The following FRMPD4 variants were observed in gnomAD, a reference collection of about 807,000 sequenced individuals.
FRMPD4 encodes FERM and PDZ domain-containing protein 4.
A neutral mutation model predicts 94.1 loss-of-function variants in FRMPD4; 22 were observed. The ratio of observed to expected loss-of-function variants is 0.23; its 90% CI spans 0.17 to 0.33. The LOEUF is 0.33. Ranked by LOEUF, FRMPD4 falls within the 10% of genes least tolerant of loss-of-function variation. The pLI is 1.00. For missense variants in FRMPD4, 1,111 were observed against 1,339.9 expected (o/e 0.83, Z 2.67); for synonymous variants, 631 against 548.6 (o/e 1.15, Z -2.10).
At chrX:11,927,247 A>T (rs997404035) in intron 3 of FRMPD4, among the ~76,000 whole-genome samples, 1 of 112,086 alleles carries the variant, frequency 8.9e-6, no homozygotes, top group Non-Finnish European at 1.9e-5. Context: ...GAAATCAGAC[A>T]TGATGCAAAC....
At chrX:12,512,678 A>G (rs1413056506) in intron 2 of FRMPD4, among the ~76,000 whole-genome samples, 1 of 112,528 alleles carries the variant, frequency 8.9e-6, no homozygotes, top group Non-Finnish European at 1.9e-5. Context: ...TGCTGCAGTG[A>G]ACATATGTGT....
chrX:12,299,954 C>A (rs1352174449), intron 1 of FRMPD4, among the ~76,000 whole-genome samples: 1 of 111,944 alleles, frequency 8.9e-6, no homozygotes, highest in Non-Finnish European at 1.9e-5. Flanking sequence ...GAACAATGGC[C>A]AAATTGTTTA....
At chrX:12,443,983 G>T (rs963436907) in intron 1 of FRMPD4, among the ~76,000 whole-genome samples, 1 of 111,054 alleles carries the variant, frequency 9.0e-6, no homozygotes, top group African/African-American at 3.3e-5. Context: ...AACTTATCTT[G>T]AAAGTCCCCG....
intron 3 of FRMPD4, among the ~76,000 whole-genome samples, chrX:12,005,186 A>G (rs5933949): frequency 0.055 from 5,954 of 107,620 alleles, 275 homozygotes; most frequent in East Asian, 0.16. Context: ...CTCAAACTAT[A>G]GAGTGCTTAA....
chrX:11,907,582 A>G (rs7065125), intron 3 of FRMPD4, among the ~76,000 whole-genome samples: 44,730 of 110,384 alleles, frequency 0.41, 6,546 homozygotes, highest in East Asian at 0.69. Flanking sequence ...AGTGGAAAGA[A>G]AGTGAGAAAG....
At chrX:12,672,193 C>T (rs1049583013) in intron 4 of FRMPD4, among the ~76,000 whole-genome samples, 2 of 112,061 alleles carry the variant, frequency 1.8e-5, no homozygotes, top group African/African-American at 3.2e-5. Context: ...TTCTTCTGTC[C>T]GTGGAAGGTG....
At chrX:12,330,159 C>T (rs1455264275) in intron 1 of FRMPD4, among the ~76,000 whole-genome samples, 2 of 111,125 alleles carry the variant, frequency 1.8e-5, no homozygotes, top group East Asian at 5.6e-4. Flanking sequence ...AAAGAGTACT[C>T]AACAAGGAGT....
intron 3 of FRMPD4, among the ~76,000 whole-genome samples, chrX:11,922,042 CTG>C (rs1352762620): frequency 2.7e-5 from 3 of 112,081 alleles, no homozygotes; most frequent in African/African-American, 9.7e-5. Context: ...GTATATCACT[CTG>C]TCTTCATTTC....
At chrX:12,098,274 A>C (rs769279614) in intron 3 of FRMPD4, among the ~76,000 whole-genome samples, 547 of 11,117 alleles carry the variant, frequency 0.049, 3 homozygotes, top group African/African-American at 0.14. Flanking sequence ...AAGAAAAAGA[A>C]AAAAAAAAAA....
At chrX:12,029,377 G>A (rs1398360980) in intron 3 of FRMPD4, among the ~76,000 whole-genome samples, 1 of 112,109 alleles carries the variant, frequency 8.9e-6, no homozygotes, top group Non-Finnish European at 1.9e-5. Context: ...TCCTTTATCA[G>A]ATGTATCTCT....
Position 12,186,402 on chromosome X carries a change from T to C in FRMPD4, c.41+47390T>C, listed in dbSNP as rs189434286. Among the ~76,000 whole-genome samples the C allele has an allele frequency of 1.3e-4, 15 of 111,950 alleles. No homozygotes were observed. The East Asian group carries it at 3.9e-3, about 29-fold the overall frequency. ...ATTAAATAAATAATTATTTAATTGC[T>C]TTTTAAGCATAATTATTTAATTGTT... On this transcript the variant is annotated intron_variant, in intron 1 of 16. Coordinates refer to ENST00000675598, the MANE Select transcript of FRMPD4 (RefSeq NM_001368397.1).
intron 1 of FRMPD4, among the ~76,000 whole-genome samples, chrX:11,856,896 A>T (rs2053656886): frequency 8.9e-6 from 1 of 112,034 alleles, no homozygotes; most frequent in African/African-American, 3.2e-5. Context: ...AATCACTAGC[A>T]ATCCTAGACA....
chrX:12,396,247 C>T (rs1426602016), intron 1 of FRMPD4: 1 of 111,474 alleles, frequency 9.0e-6, no homozygotes, highest in Non-Finnish European at 1.9e-5. Flanking sequence ...TTTGAGAGCT[C>T]CTTGAAGTTG....
intron 1 of FRMPD4, among the ~76,000 whole-genome samples, chrX:12,432,126 A>G (rs1236290207): frequency 9.0e-6 from 1 of 111,478 alleles, no homozygotes; most frequent in Non-Finnish European, 1.9e-5. Context: ...TTCTTGGAAC[A>G]TAGTTCCTCC....
intron 1 of FRMPD4, among the ~76,000 whole-genome samples, chrX:12,385,525 G>A (rs773313916): frequency 1.8e-5 from 2 of 112,103 alleles, no homozygotes; most frequent in African/African-American, 6.5e-5. Context: ...CTGTATAATT[G>A]TCACAAGGTC....
At chrX:12,538,300 A>C (rs1291127799) in intron 2 of FRMPD4, among the ~76,000 whole-genome samples, 1 of 111,373 alleles carries the variant, frequency 9.0e-6, no homozygotes, top group Non-Finnish European at 1.9e-5. Flanking sequence ...GCCATTGCTG[A>C]GGCTTTAGTA....
chrX:12,009,419 A>C (rs2054570514), intron 3 of FRMPD4, among the ~76,000 whole-genome samples: 1 of 112,599 alleles, frequency 8.9e-6, no homozygotes, highest in Non-Finnish European at 1.9e-5. Context: ...TTGTTTAAAA[A>C]TTCATGAGTC....
intron 2 of FRMPD4, among the ~76,000 whole-genome samples, chrX:12,500,163 G>A (rs1475261677): frequency 9.0e-6 from 1 of 111,231 alleles, no homozygotes; most frequent in Non-Finnish European, 1.9e-5. Context: ...AGGAAGTGTG[G>A]TTGGGTCTAT....
At chrX:12,714,764 C>T (rs1308075945) in intron 14 of FRMPD4, among the ~76,000 whole-genome samples, 2 of 111,592 alleles carry the variant, frequency 1.8e-5, no homozygotes, top group African/African-American at 6.5e-5. Context: ...ACACACACTT[C>T]CCCCCACACG....
Sources: allele counts gnomAD v4.1 joint callset (sites outside exome capture counted in the v4.1 genomes callset), GRCh38; gene constraint gnomAD v4.1.1; transcripts MANE v1.5; gene names NCBI Gene and HGNC (gene_info 2026-07-23, HGNC 2026-07-21).